The following C10orf67 variants were observed in gnomAD, a reference collection of about 807,000 sequenced individuals.
The protein encoded by C10orf67 is chromosome 10 open reading frame 67.
In C10orf67, 60 loss-of-function variants were observed where a neutral mutation model predicts 35.6. That is an observed-to-expected ratio of 1.68 (90% CI 1.37 to 2.09). C10orf67 has a LOEUF of 2.09. Among genes scored for constraint, C10orf67 ranks in the 30% most tolerant of loss-of-function variants. The pLI, the probability that C10orf67 is intolerant of heterozygous loss-of-function variation, is 0.00. For synonymous variants in C10orf67, 167 were observed against 115.8 expected, an observed-to-expected ratio of 1.44 and a Z score of -2.84; for missense variants, 474 against 330.2, an observed-to-expected ratio of 1.44 and a Z score of -3.38.
At chr10:23,320,671 C>A in intron 4 of C10orf67, 70 bp downstream of exon 4, 1 of 1,197,350 alleles carries the variant, frequency 8.4e-7, no homozygotes, top group South Asian at 1.4e-5. Context: ...CCAAGGTGAT[C>A]CCCACTCCTT....
At chr10:23,210,620 A>G (rs1468342340) in intron 15 of C10orf67, among the ~76,000 whole-genome samples, 2 of 152,072 alleles carry the variant, frequency 1.3e-5, no homozygotes, top group Non-Finnish European at 2.9e-5. Flanking sequence ...GGGTTTCACC[A>G]TGTTGGACAG....
intron 13 of C10orf67, among the ~76,000 whole-genome samples, chr10:23,229,376 T>C (rs1841840494): frequency 7.5e-6 from 1 of 133,000 alleles, no homozygotes; most frequent in South Asian, 2.3e-4. Flanking sequence ...AGATGGGAAT[T>C]GAACAATGAG....
chr10:23,231,843 A>T (rs1482714799), intron 13 of C10orf67, among the ~76,000 whole-genome samples: 2 of 152,238 alleles, frequency 1.3e-5, no homozygotes, highest in South Asian at 2.1e-4. Context: ...CACTAGCATC[A>T]GCATGAATGA....
At chr10:23,244,161 G>A (rs747580935) in intron 12 of C10orf67, among the ~76,000 whole-genome samples, 2 of 152,110 alleles carry the variant, frequency 1.3e-5, no homozygotes, top group Non-Finnish European at 2.9e-5. Flanking sequence ...AAAGTGCTGG[G>A]ATTACAGGCA....
chr10:23,239,647 G>C, intron 13 of C10orf67, 82 bp downstream of exon 13: 2 of 579,754 alleles, frequency 3.4e-6, no homozygotes, highest in South Asian at 4.7e-5. Context: ...ACAGGGGCTT[G>C]ATAAACCTTA....
rs115794892 is a variant in C10orf67, at chr10:23,230,203, T to C, written c.1435-6385A>G. Among the ~76,000 whole-genome samples the C allele has an allele frequency of 1.6e-3, 249 of 152,268 alleles. 1 individual carries two copies. Among genetic ancestry groups the C allele is most frequent in the African/African-American group, 5.8e-3 (240 of 41,560 alleles). ...CTTAATAATGACAGGTGGAATTATA[T>C]ATCAAGGGAGAAGACAGACTTTTTA... On this transcript the variant is annotated intron_variant, in intron 13 of 15. Coordinates refer to ENST00000636213, the MANE Select transcript of C10orf67 (RefSeq NM_001371909.1).
chr10:23,313,422 T>G (rs529116919), intron 4 of C10orf67, among the ~76,000 whole-genome samples: 4 of 152,300 alleles, frequency 2.6e-5, no homozygotes, highest in Admixed American at 6.5e-5. Context: ...TACCATGGTG[T>G]AGGTCGAGAT....
intron 2 of C10orf67, among the ~76,000 whole-genome samples, chr10:23,329,288 A>G (rs1845335479): frequency 6.6e-6 from 1 of 152,050 alleles, no homozygotes; most frequent in Non-Finnish European, 1.5e-5. Flanking sequence ...TAAAAATAAT[A>G]AAAGACAATA....
intron 13 of C10orf67, among the ~76,000 whole-genome samples, chr10:23,226,000 A>T (rs1417970165): frequency 6.6e-6 from 1 of 152,178 alleles, no homozygotes; most frequent in Non-Finnish European, 1.5e-5. Flanking sequence ...GGAGACTTTA[A>T]CACCCCACTG....
chr10:23,205,904 A>G (rs1564452636), intron 15 of C10orf67, among the ~76,000 whole-genome samples: 1 of 152,252 alleles, frequency 6.6e-6, no homozygotes, highest in Non-Finnish European at 1.5e-5. Context: ...TATCCTTAAA[A>G]GACTAATGAC....
chr10:23,241,595 G>T (rs1842178607), intron 12 of C10orf67, among the ~76,000 whole-genome samples: 2 of 152,154 alleles, frequency 1.3e-5, no homozygotes, highest in African/African-American at 4.8e-5. Context: ...AAAGAACTTT[G>T]CAGATGTGGT....
rs1341544264 is a variant in C10orf67, at chr10:23,344,640, C to T, written c.135G>A (p.Leu45=). Residue 45 remains leucine, a synonymous_variant, in exon 1 of 16, where the codon CTG becomes CTA. Coordinates refer to ENST00000636213, the MANE Select transcript of C10orf67 (RefSeq NM_001371909.1). ...WEAMKAKATE[L]RVCCARRKRE... ...GCTTCCTACGCGCGCAGCAGACCCG[C>T]AGCTCGGTGGCCTTGGCTTTCATGG... 1.9e-6 allele frequency: 3 copies of T among 1,580,988 alleles called. No homozygotes were observed. The highest frequency in any genetic ancestry group is 2.7e-5 in the African/African-American group (2 of 74,136).
chr10:23,290,187 T>C (rs889846425), intron 6 of C10orf67, among the ~76,000 whole-genome samples: 3 of 152,230 alleles, frequency 2.0e-5, no homozygotes, highest in African/African-American at 7.2e-5. Context: ...CAAGTGTGGC[T>C]GAGGGCTGAA....
chr10:23,326,588 A>C (rs1845203199), intron 2 of C10orf67, among the ~76,000 whole-genome samples: 1 of 152,188 alleles, frequency 6.6e-6, no homozygotes, highest in Non-Finnish European at 1.5e-5. Flanking sequence ...ATCTAGGTAC[A>C]TATAAAATAC....
intron 15 of C10orf67, among the ~76,000 whole-genome samples, chr10:23,208,957 C>T (rs1197024407): frequency 6.6e-6 from 1 of 152,064 alleles, no homozygotes; most frequent in African/African-American, 2.4e-5. Flanking sequence ...CCCCAGCAGA[C>T]AGCCAGCATA....
At chr10:23,227,164 T>C (rs185050304) in intron 13 of C10orf67, among the ~76,000 whole-genome samples, 5 of 152,312 alleles carry the variant, frequency 3.3e-5, no homozygotes, top group Non-Finnish European at 5.9e-5. Context: ...ATATCCCTGA[T>C]GAACATCGAT....
chr10:23,219,800 C>T lies in C10orf67; in HGVS notation c.1570+3798G>A, dbSNP rs1325589. On this transcript the variant is annotated intron_variant, in intron 15 of 15. Transcript: ENST00000636213. ...GTATTTTACTTTACTCTTTTCAAAA[C>T]ATATACTGTATGTTTTGATACTATT... Among the ~76,000 whole-genome samples the T allele has an allele frequency of 0.6, 90,511 of 152,008 alleles. 27,918 individuals carry two copies. The highest frequency in any genetic ancestry group is 0.88 in the East Asian group (4,547 of 5,186).
At chr10:23,294,206 C>T (rs921827872) in intron 5 of C10orf67, among the ~76,000 whole-genome samples, 1 of 152,126 alleles carries the variant, frequency 6.6e-6, no homozygotes, top group East Asian at 1.9e-4. Context: ...AGCTGCCACT[C>T]TTGAATGACA....
At chr10:23,251,508 G>C (rs1564472316) in intron 10 of C10orf67, among the ~76,000 whole-genome samples, 1 of 152,190 alleles carries the variant, frequency 6.6e-6, no homozygotes, top group South Asian at 2.1e-4. Context: ...CAAAATGAAT[G>C]AATCTCTAAT....
Sources: allele counts gnomAD v4.1 joint callset (sites outside exome capture counted in the v4.1 genomes callset), GRCh38; gene constraint gnomAD v4.1.1; transcripts MANE v1.5; gene names NCBI Gene and HGNC (gene_info 2026-07-23, HGNC 2026-07-21).